The following WT1 variants were observed in gnomAD, a reference collection of about 807,000 sequenced individuals.
WT1 encodes WT1 transcription factor.
WT1 carries 8 observed loss-of-function variants against 60.8 expected under a neutral mutation model. That is an observed-to-expected ratio of 0.13 (90% CI 0.08 to 0.24). The LOEUF (loss-of-function observed/expected upper bound fraction) is 0.24. Ranked by LOEUF, WT1 falls within the 10% of genes least tolerant of loss-of-function variation. The probability of loss-of-function intolerance (pLI) is 1.00; values close to 1 mark genes in which losing one functional copy is unlikely to be tolerated. For synonymous variants in WT1, 312 were observed against 297.1 expected, an observed-to-expected ratio of 1.05 and a Z score of -0.52; for missense variants, 568 against 711.8, an observed-to-expected ratio of 0.80 and a Z score of 2.30.
chr11:32,396,538 T>C (rs1287153769), intron 6 of WT1, 131 bp from the exon 7 acceptor site: 3 of 1,143,530 alleles, frequency 2.6e-6, no homozygotes, highest in African/African-American at 1.5e-5. Context: ...ACCACTCCCA[T>C]TCACACTCCA....
chr11:32,428,915 C>T (rs900132222), intron 1 of WT1: 3 of 474,038 alleles, frequency 6.3e-6, no homozygotes, highest in Non-Finnish European at 1.2e-5. Flanking sequence ...CTGCAGCGAA[C>T]CCCTGGCAAA....
intron 5 of WT1, among the ~76,000 whole-genome samples, chr11:32,415,387 G>A (rs1852633636): frequency 1.3e-5 from 2 of 152,200 alleles, no homozygotes; most frequent in Non-Finnish European, 2.9e-5. Context: ...GGTGGCTCAC[G>A]CCTGTAATCC....
chr11:32,420,910 G>T (rs1852833519), intron 3 of WT1, among the ~76,000 whole-genome samples: 1 of 152,178 alleles, frequency 6.6e-6, no homozygotes, highest in African/African-American at 2.4e-5. Flanking sequence ...GAGGAGAGAA[G>T]GTGGGGAGGA....
Position 32,428,700 on chromosome 11 carries a change from G to GC in WT1, c.662-82_662-81insG, listed in dbSNP as rs1554945282. The GC allele has an allele frequency of 2.6e-6, 4 of 1,549,634 alleles. No individual in the cohort carries two copies. The African/African-American group carries it at 4.1e-5, about 16-fold the overall frequency. ...AGTGGGTCTGAACCAGCCACGGGCG[G>GC]GGGGGGTGTGCGCTGAACCCCGCAT... On this transcript the variant is annotated intron_variant, in intron 1 of 9. Coordinates refer to ENST00000452863, the MANE Select transcript of WT1 (RefSeq NM_024426.6).
At chr11:32,396,949 G>A (rs1851994459) in intron 6 of WT1, among the ~76,000 whole-genome samples, 1 of 152,212 alleles carries the variant, frequency 6.6e-6, no homozygotes, top group Admixed American at 6.5e-5. Flanking sequence ...CCCTGGATTT[G>A]GGGATCCCAT....
intron 3 of WT1, among the ~76,000 whole-genome samples, chr11:32,418,400 C>T (rs1852748977): frequency 6.6e-6 from 1 of 152,120 alleles, no homozygotes. Context: ...AAAATTAGCA[C>T]ATGAATCAAT....
chr11:32,407,341 A>C (rs1417715416), intron 5 of WT1, among the ~76,000 whole-genome samples: 6 of 152,196 alleles, frequency 3.9e-5, no homozygotes, highest in Non-Finnish European at 8.8e-5. Flanking sequence ...CATGAAGATT[A>C]ATAAAAAGGA....
In WT1 at chr11:32,433,366, C is replaced by T. The variant is rs115196602; in HGVS notation, c.661+1334G>A. Among the ~76,000 whole-genome samples, 1,125 of 152,316 alleles carry T rather than the reference C, an allele frequency of 7.4e-3. 10 individuals carry two copies. The highest frequency in any genetic ancestry group is 0.025 in the African/African-American group (1,026 of 41,568). The stretch of plus-strand genomic sequence containing the variant: ...CGGTTTCGATTTCTCCAAGGCTTCG[C>T]GGGGGCCGGGTGCTCCTGGTTAGGC... On this transcript the variant is annotated intron_variant, in intron 1 of 9. Transcript: ENST00000452863.
intron 3 of WT1, among the ~76,000 whole-genome samples, chr11:32,419,124 C>T (rs1423678669): frequency 1.3e-5 from 2 of 152,162 alleles, no homozygotes; most frequent in Non-Finnish European, 2.9e-5. Context: ...TGGTCTGTGC[C>T]ACAACATTTT....
intron 5 of WT1, among the ~76,000 whole-genome samples, chr11:32,408,276 G>T (rs1401947071): frequency 1.3e-5 from 2 of 151,626 alleles, no homozygotes; most frequent in African/African-American, 4.8e-5. Context: ...ACTTTGGGAG[G>T]CTGAGGCAGG....
chr11:32,429,999 A>G (rs11031777), intron 1 of WT1, among the ~76,000 whole-genome samples: 2 of 87,524 alleles, frequency 2.3e-5, no homozygotes, highest in East Asian at 2.1e-4. Flanking sequence ...AAAGAAAAAG[A>G]AAAAAAAAAA....
intron 1 of WT1, among the ~76,000 whole-genome samples, chr11:32,430,036 G>A (rs1853224821): frequency 6.6e-6 from 1 of 151,428 alleles, no homozygotes; most frequent in South Asian, 2.1e-4. Flanking sequence ...AGAGGCATGA[G>A]CCTGGAGGGT....
chr11:32,426,081 G>A (rs567549556), intron 3 of WT1, among the ~76,000 whole-genome samples: 2 of 152,248 alleles, frequency 1.3e-5, no homozygotes, highest in African/African-American at 4.8e-5. Flanking sequence ...GTCCCACAGG[G>A]TGAGTCTCGG....
rs770485644 is a variant in WT1, at chr11:32,388,918, A to G, written c.*140T>C. 398 of 1,469,052 alleles carry G rather than the reference A, an allele frequency of 2.7e-4. No homozygotes were observed. The highest frequency in any genetic ancestry group is 3.4e-4 in the Non-Finnish European group (366 of 1,079,766). 91.0% of individuals were successfully genotyped at this position (1,469,052 alleles called of 1,614,324 possible). A position where few individuals can be genotyped will look rare whatever the true frequency, so the allele number is the denominator to read the frequency against. On this transcript the variant is annotated 3_prime_UTR_variant, in exon 10 of 10. Coordinates refer to ENST00000452863, the MANE Select transcript of WT1 (RefSeq NM_024426.6). ...GGCACACCTGGTAGTTTCCAGAAGCACCGGTATCTTGTCTTGGAAGTTGGA... is the reference window on the plus strand; with the variant it reads ...GGCACACCTGGTAGTTTCCAGAAGCGCCGGTATCTTGTCTTGGAAGTTGGA...
At chr11:32,426,925 C>G (rs933414872) in intron 3 of WT1, among the ~76,000 whole-genome samples, 4 of 152,162 alleles carry the variant, frequency 2.6e-5, no homozygotes, top group Admixed American at 6.5e-5. Flanking sequence ...GGCGCGGCCA[C>G]TCCCCCACCC....
intron 5 of WT1, among the ~76,000 whole-genome samples, 185 bp downstream of exon 5, chr11:32,416,305 C>A (rs1254060613): frequency 6.6e-6 from 1 of 152,098 alleles, no homozygotes; most frequent in East Asian, 1.9e-4. Context: ...AAATGCTACT[C>A]CCTCCATTTT....
chr11:32,417,786 C>T (rs931986775), intron 3 of WT1, 132 bp from the exon 4 acceptor site: 2 of 760,284 alleles, frequency 2.6e-6, no homozygotes, highest in African/African-American at 1.7e-5. Flanking sequence ...ACAGAATATG[C>T]AAATCTGAAT....
chr11:32,405,868 T>G (rs898849403), intron 5 of WT1, among the ~76,000 whole-genome samples: 2 of 152,212 alleles, frequency 1.3e-5, no homozygotes, highest in Non-Finnish European at 2.9e-5. Context: ...AGAGTTTGAG[T>G]CCAGGTCAGT....
chr11:32,430,546 GCCCAGGAGTAGGCAGGGA>G (rs1853267048), intron 1 of WT1: 2 of 1,597,078 alleles, frequency 1.3e-6, no homozygotes, highest in African/African-American at 3.2e-5. Flanking sequence ...CCATTCCTGA[GCCCAGGAGTAGGCAGGGA>G]CCCAGGGCAC....
Sources: gnomAD v4.1 joint callset for allele counts (sites outside exome capture counted in the v4.1 genomes callset) on GRCh38, gnomAD v4.1.1 for gene constraint, MANE v1.5 for transcripts, NCBI Gene and HGNC (gene_info 2026-07-23, HGNC 2026-07-21) for gene names.